Variants in CELF2 observed in about 807,000 individuals in gnomAD.
CELF2 encodes the protein CUGBP Elav-like family member 2.
Under a neutral mutation model 62.6 loss-of-function variants are expected in CELF2, and 8 were observed. The ratio of observed to expected loss-of-function variants is 0.13; its 90% CI spans 0.07 to 0.23. The LOEUF is 0.23. CELF2 is among the 10% of genes least tolerant of loss of function. CELF2 has a pLI of 1.00. For synonymous variants in CELF2, 258 were observed against 250.0 expected, an observed-to-expected ratio of 1.03 and a Z score of -0.30; for missense variants, 333 against 671.0, an observed-to-expected ratio of 0.50 and a Z score of 5.56.
the CELF2 span, among the ~76,000 whole-genome samples, chr10:10,741,629 A>C: frequency 0.02 from 2,990 of 152,216 alleles, 47 homozygotes; most frequent in East Asian, 0.046. Flanking sequence ...TTTGGCAAGA[A>C]TGGCATAGAA....
chr10:11,023,177 C>T (rs898827784), intron 1 of CELF2, among the ~76,000 whole-genome samples: 3 of 152,106 alleles, frequency 2.0e-5, no homozygotes, highest in Admixed American at 6.5e-5. Context: ...TTTTACAGAA[C>T]CACAGAAGGG....
At chr10:11,327,876 G>T (rs567464701) in intron 12 of CELF2, among the ~76,000 whole-genome samples, 2 of 152,316 alleles carry the variant, frequency 1.3e-5, no homozygotes, top group Middle Eastern at 6.8e-3. Context: ...TTTAATAGCA[G>T]ATGGATAGAG....
At chr10:11,031,110 C>T (rs1212979028) in intron 1 of CELF2, among the ~76,000 whole-genome samples, 3 of 152,190 alleles carry the variant, frequency 2.0e-5, no homozygotes, top group Non-Finnish European at 2.9e-5. Flanking sequence ...GAATGCTTGG[C>T]CTTCTCAGGT....
At chr10:10,988,724 C>T (rs7081160) in intron 2 of CELF2, among the ~76,000 whole-genome samples, 8,433 of 151,972 alleles carry the variant, frequency 0.055, 264 homozygotes, top group Middle Eastern at 0.13. Context: ...TCTTAGAAAA[C>T]GAGGAATACA....
intron 1 of CELF2, among the ~76,000 whole-genome samples, chr10:10,818,751 GT>G (rs1365707244): frequency 6.6e-6 from 1 of 151,876 alleles, no homozygotes; most frequent in Non-Finnish European, 1.5e-5. Flanking sequence ...CAATTTTTGT[GT>G]TTTTTAGTAG....
rs1216451127 is a variant in CELF2 at position 11,270,131 on chromosome 10, A to G, written c.619-535A>G. 2.6e-5 allele frequency among the ~76,000 whole-genome samples: 4 copies of G among 152,352 alleles called. No homozygotes were observed. The highest frequency in any genetic ancestry group is 4.8e-5 in the African/African-American group (2 of 41,578). ...AAACTAAAATGAAGCCCTTTTCCCT[A>G]TGATTGCTGGGCCGATAGGATTGTC... On this transcript the variant is annotated intron_variant, in intron 6 of 12. Transcript: ENST00000633077. The surrounding 1 kb of genome is among the most constrained non-coding windows in gnomAD (Gnocchi z 5.8).
intron 1 of CELF2, among the ~76,000 whole-genome samples, chr10:10,863,471 C>A (rs2060164930): frequency 6.6e-6 from 1 of 152,100 alleles, no homozygotes; most frequent in Non-Finnish European, 1.5e-5. Flanking sequence ...AGCTATGTGA[C>A]CTTGGGCAAA....
chr10:10,661,049 G>T, the CELF2 span, among the ~76,000 whole-genome samples: 11 of 152,144 alleles, frequency 7.2e-5, no homozygotes, highest in African/African-American at 2.7e-4. Context: ...TAAAATTGAG[G>T]TATAATTTAC....
At chr10:10,768,217 A>G in the CELF2 span, among the ~76,000 whole-genome samples, 1 of 151,474 alleles carries the variant, frequency 6.6e-6, no homozygotes, top group Admixed American at 6.6e-5. Flanking sequence ...CCAATTGGTG[A>G]AACATTTGCC....
At chr10:10,499,362 T>C in the CELF2 span, among the ~76,000 whole-genome samples, 1 of 151,236 alleles carries the variant, frequency 6.6e-6, no homozygotes, top group Non-Finnish European at 1.5e-5. Context: ...GCCCAGCCAT[T>C]CTACCAACAG....
chr10:11,141,691 T>C (rs1453582901), intron 1 of CELF2, among the ~76,000 whole-genome samples: 2 of 152,214 alleles, frequency 1.3e-5, no homozygotes, highest in Admixed American at 1.3e-4. Flanking sequence ...ATTGCATGTT[T>C]ATTTAGTTCC....
chr10:10,799,025 A>AG (rs34201508), intron 1 of CELF2, among the ~76,000 whole-genome samples: 1 of 152,094 alleles, frequency 6.6e-6, no homozygotes, highest in Non-Finnish European at 1.5e-5. Flanking sequence ...ATTTCACCCC[A>AG]GGGGGGAGGT....
the CELF2 span, among the ~76,000 whole-genome samples, chr10:10,715,299 T>G: frequency 6.6e-6 from 1 of 152,216 alleles, no homozygotes; most frequent in African/African-American, 2.4e-5. Context: ...TGTTTCTTAC[T>G]AGCTCCATAG....
At chr10:10,631,160 C>G in the CELF2 span, among the ~76,000 whole-genome samples, 3 of 152,192 alleles carry the variant, frequency 2.0e-5, no homozygotes, top group African/African-American at 7.2e-5. Context: ...CTCAGCCTGA[C>G]ATTTGGAACT....
chr10:10,996,280 CT>C (rs1393027254), intron 2 of CELF2, among the ~76,000 whole-genome samples: 3 of 152,206 alleles, frequency 2.0e-5, no homozygotes, highest in South Asian at 2.1e-4. Flanking sequence ...CTCCAGCCCC[CT>C]AGCCCTGTTA....
chr10:10,550,069 C>G, the CELF2 span, among the ~76,000 whole-genome samples: 22 of 152,294 alleles, frequency 1.4e-4, no homozygotes, highest in Non-Finnish European at 2.5e-4. Context: ...ATTTTTGACT[C>G]TCCAAAGGCT....
intron 5 of CELF2, among the ~76,000 whole-genome samples, chr10:11,258,722 C>G (rs752481064): frequency 6.6e-6 from 1 of 152,322 alleles, no homozygotes; most frequent in Middle Eastern, 3.4e-3. Flanking sequence ...TCTTTTTGCT[C>G]TGTCGCCAGG....
rs115322919 is a variant in CELF2, at chr10:10,893,753, G to A, written c.54-26211G>A. The stretch of plus-strand genomic sequence containing the variant: ...GTGGGAGCAGGAGCAAGAGACGGAC[G>A]AGGGAGGTGCTGTACACTTTTAAAC... On this transcript the variant is annotated intron_variant, in intron 1 of 13. Coordinates refer to the CELF2 transcript ENST00000636488. Among the ~76,000 whole-genome samples, 298 of 152,262 alleles carry A rather than the reference G, an allele frequency of 2.0e-3. 1 individual carries two copies. The highest frequency in any genetic ancestry group is 6.8e-3 in the African/African-American group (283 of 41,534).
At position 10,869,339 on chromosome 10, in the gene CELF2, A is replaced by G. The variant is rs554807532; in HGVS notation, c.54-50625A>G. On this transcript the variant is annotated intron_variant, in intron 1 of 13. Coordinates refer to the CELF2 transcript ENST00000636488. ...AGCACTTTGGGAGGCCAAGGCGGGC[A>G]GATCACAAGGTCAGGAGTTTGAGAC... Among the ~76,000 whole-genome samples the G allele has an allele frequency of 3.9e-5, 6 of 152,274 alleles. No homozygotes were observed. In the South Asian group the frequency reaches 1.0e-3, roughly 26 times the overall value.
Sources: allele counts gnomAD v4.1 joint callset (sites outside exome capture counted in the v4.1 genomes callset), GRCh38; gene constraint gnomAD v4.1.1; non-coding constraint Gnocchi (gnomAD v3.1); transcripts MANE v1.5; gene names NCBI Gene and HGNC (gene_info 2026-07-23, HGNC 2026-07-21).